EXOC6B: variants seen among roughly 807,000 people sequenced by gnomAD.
The protein encoded by EXOC6B is exocyst complex component 6B.
EXOC6B carries 54 observed loss-of-function variants against 113.5 expected under a neutral mutation model. The observed-to-expected ratio is 0.48, with a 90% confidence interval of 0.38 to 0.60. The LOEUF (loss-of-function observed/expected upper bound fraction) is 0.60, where lower values mean the gene tolerates loss of function less well. EXOC6B is among the 20% of genes least tolerant of loss of function. EXOC6B has a pLI of 0.00. For synonymous variants in EXOC6B, 357 were observed against 339.0 expected, an observed-to-expected ratio of 1.05 and a Z score of -0.58; for missense variants, 797 against 977.5, an observed-to-expected ratio of 0.82 and a Z score of 2.46.
At chr2:72,539,737 T>C (rs1702486559) in intron 8 of EXOC6B, among the ~76,000 whole-genome samples, 2 of 147,752 alleles carry the variant, frequency 1.4e-5, no homozygotes, top group South Asian at 2.1e-4. Context: ...GCTATGCGTG[T>C]GTGTGTGTGT....
chr2:72,761,182 A>C (rs1248571898), intron 1 of EXOC6B, among the ~76,000 whole-genome samples: 2 of 152,206 alleles, frequency 1.3e-5, no homozygotes. Flanking sequence ...CTGTCTCAAA[A>C]AAAAAAGACA....
At chr2:72,203,926 T>C (rs2104350294) in intron 20 of EXOC6B, among the ~76,000 whole-genome samples, 2 of 152,328 alleles carry the variant, frequency 1.3e-5, no homozygotes, top group Non-Finnish European at 2.9e-5. Flanking sequence ...ACTGCATCTC[T>C]AAGCTTCTGG....
chr2:72,265,668 G>C (rs1285445265), intron 20 of EXOC6B, among the ~76,000 whole-genome samples: 3 of 151,424 alleles, frequency 2.0e-5, no homozygotes, highest in Non-Finnish European at 4.4e-5. Context: ...GGACATTTGG[G>C]TTGGTTCCAA....
chr2:72,406,926 T>C (rs186518808), intron 18 of EXOC6B, among the ~76,000 whole-genome samples: 1 of 152,236 alleles, frequency 6.6e-6, no homozygotes, highest in Admixed American at 6.5e-5. Flanking sequence ...GCTGGTTTTT[T>C]GAAAAGATCA....
intron 6 of EXOC6B, among the ~76,000 whole-genome samples, chr2:72,658,885 A>G (rs1674802129): frequency 6.6e-6 from 1 of 152,134 alleles, no homozygotes; most frequent in African/African-American, 2.4e-5. Flanking sequence ...TCAGATAATG[A>G]TAAAAATTAT....
intron 18 of EXOC6B, chr2:72,462,161 T>C: frequency 6.6e-6 from 1 of 152,166 alleles, no homozygotes; most frequent in Non-Finnish European, 1.5e-5. Flanking sequence ...TGTGATGTTG[T>C]CACATTATTT....
At chr2:72,731,096 C>T in intron 4 of EXOC6B, 44 bp from the exon 5 acceptor site, 1 of 1,567,612 alleles carries the variant, frequency 6.4e-7, no homozygotes, top group Non-Finnish European at 8.7e-7. Flanking sequence ...TTAGAGAAAG[C>T]CTAATTAAAG....
intron 6 of EXOC6B, among the ~76,000 whole-genome samples, chr2:72,638,543 T>C (rs1041061572): frequency 6.6e-6 from 1 of 151,996 alleles, no homozygotes; most frequent in Admixed American, 6.6e-5. Flanking sequence ...GAACCCTACA[T>C]GAGGCTGCAG....
At chr2:72,284,434 A>T (rs1332898027) in intron 20 of EXOC6B, among the ~76,000 whole-genome samples, 1 of 152,076 alleles carries the variant, frequency 6.6e-6, no homozygotes, top group African/African-American at 2.4e-5. Context: ...ATTATTCACG[A>T]TAAAAACACC....
At chr2:72,295,391 C>CT (rs1270476099) in intron 20 of EXOC6B, among the ~76,000 whole-genome samples, 1 of 152,096 alleles carries the variant, frequency 6.6e-6, no homozygotes, top group Non-Finnish European at 1.5e-5. Context: ...GACTTTTCTC[C>CT]TTTAAAAGTT....
intron 18 of EXOC6B, among the ~76,000 whole-genome samples, chr2:72,380,538 G>A (rs1356006061): frequency 1.3e-5 from 2 of 152,054 alleles, no homozygotes; most frequent in African/African-American, 4.8e-5. Context: ...TACTCAGAAG[G>A]CTGAGGCAGG....
intron 17 of EXOC6B, among the ~76,000 whole-genome samples, chr2:72,479,273 A>T (rs1698932877): frequency 6.6e-6 from 1 of 152,220 alleles, no homozygotes; most frequent in African/African-American, 2.4e-5. Flanking sequence ...ATAGATACAT[A>T]AAGAATACTT....
intron 20 of EXOC6B, among the ~76,000 whole-genome samples, chr2:72,196,312 T>C (rs1181361166): frequency 6.6e-6 from 1 of 152,080 alleles, no homozygotes; most frequent in Non-Finnish European, 1.5e-5. Flanking sequence ...GAAGAAAAAA[T>C]ACCTAACATT....
intron 1 of EXOC6B, among the ~76,000 whole-genome samples, chr2:72,779,921 G>A (rs996099463): frequency 6.6e-6 from 1 of 152,184 alleles, no homozygotes; most frequent in Non-Finnish European, 1.5e-5. Flanking sequence ...AGACACAGAG[G>A]TGGGAGGAAA....
At chr2:72,523,232 G>A (rs1031074051) in intron 8 of EXOC6B, among the ~76,000 whole-genome samples, 1 of 152,114 alleles carries the variant, frequency 6.6e-6, no homozygotes, top group Admixed American at 6.5e-5. Context: ...TCCCATTCTT[G>A]GGAGAGAAAG....
chr2:72,661,854 T>C (rs572456105), intron 6 of EXOC6B, among the ~76,000 whole-genome samples: 2 of 152,182 alleles, frequency 1.3e-5, no homozygotes, highest in South Asian at 2.1e-4. Flanking sequence ...AAGGGATAGA[T>C]ACCAGTGATA....
intron 1 of EXOC6B, among the ~76,000 whole-genome samples, chr2:72,798,748 T>G (rs1199732426): frequency 6.6e-6 from 1 of 152,062 alleles, no homozygotes; most frequent in Non-Finnish European, 1.5e-5. Flanking sequence ...ACACCATAAT[T>G]ACTCATAAAA....
intron 8 of EXOC6B, among the ~76,000 whole-genome samples, chr2:72,546,018 G>A (rs1265507465): frequency 1.3e-5 from 2 of 152,002 alleles, no homozygotes; most frequent in African/African-American, 2.4e-5. Context: ...TATGGTTTCC[G>A]TAGTTTCTCC....
chr2:72,730,648 C>T (rs1028955761), intron 5 of EXOC6B, among the ~76,000 whole-genome samples: 1 of 150,908 alleles, frequency 6.6e-6, no homozygotes, highest in East Asian at 1.9e-4. Flanking sequence ...TTCTTAAGAA[C>T]CCCAGTTAAT....
Sources: allele counts gnomAD v4.1 joint callset (sites outside exome capture counted in the v4.1 genomes callset), GRCh38; gene constraint gnomAD v4.1.1; transcripts MANE v1.5; gene names NCBI Gene and HGNC (gene_info 2026-07-23, HGNC 2026-07-21).